The following EPHA6 variants were observed in gnomAD, a reference collection of about 807,000 sequenced individuals.
EPHA6 encodes the protein ephrin type-A receptor 6.
A neutral mutation model predicts 112.0 loss-of-function variants in EPHA6; 50 were observed. The ratio of observed to expected loss-of-function variants is 0.45; its 90% CI spans 0.36 to 0.56. The LOEUF is 0.56. Among genes scored for constraint, EPHA6 ranks in the 20% least tolerant of loss-of-function variants. The pLI is 0.00. For synonymous variants in EPHA6, 529 were observed against 490.7 expected, an observed-to-expected ratio of 1.08 and a Z score of -1.03; for missense variants, 1,280 against 1,417.4, an observed-to-expected ratio of 0.90 and a Z score of 1.56.
rs149307669 is a variant in EPHA6, at chr3:97,559,665, C to G, written c.2386+27122C>G. The G allele has an allele frequency of 9.6e-4, 436 of 455,000 alleles. 3 individuals are homozygous for G. The highest frequency in any genetic ancestry group is 8.1e-3 in the African/African-American group (407 of 50,058). The allele number at this position is 455,000 out of a possible 1,614,324, so 28.2% of individuals were successfully genotyped here. A position where few individuals can be genotyped will look rare whatever the true frequency, so the allele number is the denominator to read the frequency against. ...CTTTCTAAAGAAGTAAATCAAGGTA[C>G]CTGAAAAGCAATAGAGCTAATGTGT... On this transcript the variant is annotated intron_variant, in intron 11 of 17. Transcript: ENST00000389672.
In EPHA6 at chr3:97,195,064, T is replaced by C. The variant is rs201149681; in HGVS notation, c.1115-31200T>C. Reference sequence around the variant, plus strand: ...TTTTGACTGGAAAGTTTAGTCAATTTACATTCAATGTTATATTAATAAGTA... The same window carrying C: ...TTTTGACTGGAAAGTTTAGTCAATTCACATTCAATGTTATATTAATAAGTA... On this transcript the variant is annotated intron_variant, in intron 3 of 17. Coordinates refer to ENST00000389672, the MANE Select transcript of EPHA6 (RefSeq NM_001080448.3). Among the ~76,000 whole-genome samples, 4 of 152,056 alleles carry C rather than the reference T, an allele frequency of 2.6e-5. No homozygotes were observed. In the East Asian group the frequency reaches 7.7e-4, roughly 29 times the overall value.
intron 10 of EPHA6, among the ~76,000 whole-genome samples, chr3:97,517,095 T>C (rs1296145995): frequency 6.6e-6 from 1 of 152,064 alleles, no homozygotes; most frequent in Admixed American, 6.6e-5. Context: ...GGCGGAAGTG[T>C]TGAAATGTGA....
chr3:97,565,370 T>G (rs2093249819), intron 11 of EPHA6, among the ~76,000 whole-genome samples: 1 of 152,290 alleles, frequency 6.6e-6, no homozygotes, highest in South Asian at 2.1e-4. Context: ...TATGTTAGAA[T>G]AACTATGTGT....
intron 2 of EPHA6, among the ~76,000 whole-genome samples, chr3:96,881,329 G>T (rs1220199678): frequency 2.6e-5 from 4 of 152,114 alleles, no homozygotes; most frequent in African/African-American, 9.7e-5. Flanking sequence ...ACTTGGCTGG[G>T]GAAGCCTCAC....
intron 2 of EPHA6, among the ~76,000 whole-genome samples, chr3:96,893,669 A>T (rs2038105023): frequency 6.6e-6 from 1 of 152,192 alleles, no homozygotes; most frequent in Non-Finnish European, 1.5e-5. Context: ...AGAATTGGAG[A>T]AGGGCCTGTA....
At chr3:96,965,041 G>A (rs1457062433) in intron 2 of EPHA6, among the ~76,000 whole-genome samples, 4 of 152,086 alleles carry the variant, frequency 2.6e-5, no homozygotes, top group East Asian at 1.9e-4. Flanking sequence ...TACAGAAATC[G>A]GAAGTGAGTT....
At chr3:97,035,423 A>G (rs920949224) in intron 3 of EPHA6, among the ~76,000 whole-genome samples, 1 of 151,980 alleles carries the variant, frequency 6.6e-6, no homozygotes, top group Non-Finnish European at 1.5e-5. Flanking sequence ...GACTTTTTAC[A>G]TAGTGCCCTC....
At chr3:97,532,747 C>G (rs918754118) in intron 11 of EPHA6, among the ~76,000 whole-genome samples, 3 of 152,018 alleles carry the variant, frequency 2.0e-5, no homozygotes, top group African/African-American at 7.2e-5. Context: ...ATGGTATTAC[C>G]TGCAAATCAT....
At chr3:96,993,677 A>G (rs1440792667) in intron 3 of EPHA6, among the ~76,000 whole-genome samples, 1 of 152,116 alleles carries the variant, frequency 6.6e-6, no homozygotes, top group Non-Finnish European at 1.5e-5. Context: ...TCTGCCTTCT[A>G]TTTCTCTTCA....
intron 5 of EPHA6, among the ~76,000 whole-genome samples, chr3:97,282,153 A>T (rs2080308046): frequency 6.6e-6 from 1 of 152,118 alleles, no homozygotes; most frequent in Admixed American, 6.5e-5. Flanking sequence ...CAGTTTTTTT[A>T]TCAAGCTTTT....
At chr3:97,220,436 C>A (rs563998551) in intron 3 of EPHA6, among the ~76,000 whole-genome samples, 1 of 152,228 alleles carries the variant, frequency 6.6e-6, no homozygotes, top group South Asian at 2.1e-4. Flanking sequence ...AAAGAACTGC[C>A]CAAGATTGGG....
At chr3:97,218,445 A>C (rs1034189338) in intron 3 of EPHA6, among the ~76,000 whole-genome samples, 1 of 152,178 alleles carries the variant, frequency 6.6e-6, no homozygotes, top group African/African-American at 2.4e-5. Context: ...GGCGGAAGGC[A>C]AAAGGGAAGC....
At chr3:97,648,499 G>T in intron 14 of EPHA6, 1 of 1,294,060 alleles carries the variant, frequency 7.7e-7, no homozygotes. Flanking sequence ...GAATTGGCTT[G>T]ACTTTTTGAA....
At chr3:97,232,483 A>G (rs1224349719) in intron 4 of EPHA6, among the ~76,000 whole-genome samples, 1 of 152,152 alleles carries the variant, frequency 6.6e-6, no homozygotes, top group Non-Finnish European at 1.5e-5. Flanking sequence ...AATATACTGA[A>G]TGCCTAAGAC....
intron 3 of EPHA6, among the ~76,000 whole-genome samples, chr3:97,112,180 G>A (rs1487076206): frequency 6.6e-6 from 1 of 152,056 alleles, no homozygotes; most frequent in Admixed American, 6.6e-5. Context: ...TTTCATCTCT[G>A]TTTCTTCTGC....
chr3:97,679,263 T>G (rs1259018342), intron 14 of EPHA6, among the ~76,000 whole-genome samples: 1 of 152,154 alleles, frequency 6.6e-6, no homozygotes, highest in Non-Finnish European at 1.5e-5. Context: ...TGGAATCTAT[T>G]CAATCTCTTT....
intron 13 of EPHA6, among the ~76,000 whole-genome samples, chr3:97,627,245 G>A (rs957091710): frequency 6.6e-6 from 1 of 151,818 alleles, no homozygotes; most frequent in African/African-American, 2.4e-5. Context: ...ACAGAAGTAA[G>A]CAAAAGAGAA....
At chr3:96,875,594 T>C (rs2036896433) in intron 2 of EPHA6, among the ~76,000 whole-genome samples, 2 of 152,238 alleles carry the variant, frequency 1.3e-5, no homozygotes, top group South Asian at 2.1e-4. Context: ...TTGATGTTCC[T>C]GAATATGTAA....
At chr3:97,091,470 G>A (rs920437842) in intron 3 of EPHA6, among the ~76,000 whole-genome samples, 5 of 152,116 alleles carry the variant, frequency 3.3e-5, no homozygotes, top group Non-Finnish European at 7.4e-5. Flanking sequence ...AACTGTTTAT[G>A]TAAAGCTATT....
Sources: allele counts gnomAD v4.1 joint callset (sites outside exome capture counted in the v4.1 genomes callset), GRCh38; gene constraint gnomAD v4.1.1; transcripts MANE v1.5; gene names NCBI Gene and HGNC (gene_info 2026-07-23, HGNC 2026-07-21).